Variants in PTPRN2 observed in about 807,000 individuals in gnomAD.
PTPRN2 encodes protein tyrosine phosphatase receptor type N2, also known as receptor-type tyrosine-protein phosphatase N2.
A neutral mutation model predicts 118.8 loss-of-function variants in PTPRN2; 74 were observed. That is an observed-to-expected ratio of 0.62 (90% CI 0.52 to 0.76). PTPRN2 has a LOEUF of 0.76. Ranked by LOEUF, PTPRN2 falls within the 30% of genes least tolerant of loss-of-function variation. PTPRN2 has a pLI of 0.00. For missense variants in PTPRN2, 1,481 were observed against 1,394.4 expected, an observed-to-expected ratio of 1.06 and a Z score of -0.99; for synonymous variants, 641 against 608.0, an observed-to-expected ratio of 1.05 and a Z score of -0.80.
In PTPRN2 at chr7:158,133,914, T is replaced by C. The variant is rs1818591458; in HGVS notation, c.1319A>G (p.Glu440Gly). Residue 440 changes from glutamate (E) to glycine (G), a missense_variant, in exon 9 of 23, where the codon GAG (glutamate) becomes GGG (glycine). This residue lies in a region of PTPRN2 where 1,115 missense variants were observed against 994.2 expected (regional missense o/e 1.12). Coordinates refer to ENST00000389418, the MANE Select transcript of PTPRN2 (RefSeq NM_002847.5). ...HPESSLSSEEETAGVENVKSQ... is the reference protein window; with the variant it reads ...HPESSLSSEEGTAGVENVKSQ... ...CTTGACGTTCTCCACTCCGGCAGTC[T>C]CCTCTTCTGAAGACAGGGAAGACTC... 2.5e-6 allele frequency: 4 copies of C among 1,613,844 alleles called. No individual in the cohort carries two copies. In the Admixed American group the frequency reaches 5.0e-5, roughly 20 times the overall value.
chr7:158,243,120 C>T (rs1299381626), intron 3 of PTPRN2, among the ~76,000 whole-genome samples: 1 of 152,086 alleles, frequency 6.6e-6, no homozygotes, highest in Admixed American at 6.6e-5. Flanking sequence ...GATTAGAAAA[C>T]AAAATAAGCT....
chr7:158,001,918 G>T (rs973753540), intron 11 of PTPRN2, among the ~76,000 whole-genome samples: 2 of 152,198 alleles, frequency 1.3e-5, no homozygotes, highest in Non-Finnish European at 2.9e-5. Context: ...GCTGCACTGG[G>T]ACTCCTGGAG....
intron 21 of PTPRN2, 130 bp from the exon 22 acceptor site, chr7:157,549,149 C>T: frequency 2.3e-6 from 2 of 880,294 alleles, no homozygotes; most frequent in Non-Finnish European, 3.7e-6. Flanking sequence ...CATCCCTCAG[C>T]CGGCTGGCAG....
chr7:158,305,301 G>A (rs972073782), intron 3 of PTPRN2, among the ~76,000 whole-genome samples: 5 of 151,922 alleles, frequency 3.3e-5, no homozygotes, highest in South Asian at 2.1e-4. Flanking sequence ...GGAATCCAAC[G>A]GATATTTTTA....
chr7:158,273,781 G>A (rs1161166959), intron 3 of PTPRN2, among the ~76,000 whole-genome samples: 8 of 102,630 alleles, frequency 7.8e-5, no homozygotes, highest in East Asian at 3.5e-4. Context: ...GGGAGGAGCC[G>A]CAGACACGGG....
chr7:158,113,196 G>A (rs1816437806), intron 9 of PTPRN2, among the ~76,000 whole-genome samples: 1 of 152,174 alleles, frequency 6.6e-6, no homozygotes. Context: ...ATGGGGAGCT[G>A]AGGCCGAGCT....
intron 2 of PTPRN2, among the ~76,000 whole-genome samples, chr7:158,356,358 C>T (rs1209337980): frequency 1.3e-5 from 2 of 152,322 alleles, no homozygotes; most frequent in East Asian, 3.9e-4. Context: ...TCAAAGGCAA[C>T]CTTAAGGCTT....
intron 12 of PTPRN2, among the ~76,000 whole-genome samples, chr7:157,851,167 C>T (rs1002163840): frequency 1.3e-5 from 2 of 152,212 alleles, no homozygotes; most frequent in African/African-American, 4.8e-5. Flanking sequence ...AAAAAGGGTT[C>T]TCTAACGAGG....
intron 5 of PTPRN2, among the ~76,000 whole-genome samples, chr7:158,176,415 G>T (rs1331148379): frequency 6.6e-6 from 1 of 152,200 alleles, no homozygotes. Flanking sequence ...GAGGAAAGAA[G>T]ATCCTGCAGT....
intron 3 of PTPRN2, among the ~76,000 whole-genome samples, chr7:158,255,365 G>T (rs912715481): frequency 6.6e-6 from 1 of 152,192 alleles, no homozygotes; most frequent in Admixed American, 6.5e-5. Flanking sequence ...TAGGCCCAGG[G>T]CAGGAGTCCA....
intron 1 of PTPRN2, among the ~76,000 whole-genome samples, chr7:158,494,657 T>C (rs1394320370): frequency 6.6e-6 from 1 of 151,936 alleles, no homozygotes; most frequent in Non-Finnish European, 1.5e-5. Flanking sequence ...ACCAAGGCCC[T>C]GGGATCCAAC....
At chr7:158,018,988 A>G (rs536173979) in intron 11 of PTPRN2, among the ~76,000 whole-genome samples, 7,745 of 150,044 alleles carry the variant, frequency 0.052, 287 homozygotes, top group Admixed American at 0.086. Flanking sequence ...AAAAAAAAAA[A>G]AAAGAGAATA....
intron 3 of PTPRN2, among the ~76,000 whole-genome samples, chr7:158,269,114 G>A (rs1250619624): frequency 1.3e-5 from 2 of 152,144 alleles, no homozygotes; most frequent in East Asian, 1.9e-4. Context: ...CTCAGGAGTC[G>A]CCACTGTTGC....
intron 12 of PTPRN2, among the ~76,000 whole-genome samples, chr7:157,700,678 A>T (rs1287072465): frequency 1.3e-5 from 2 of 152,024 alleles, no homozygotes; most frequent in Non-Finnish European, 2.9e-5. Flanking sequence ...CCCTCCCTGA[A>T]AATTCCACCA....
At chr7:158,342,219 C>A (rs1807011929) in intron 2 of PTPRN2, among the ~76,000 whole-genome samples, 1 of 134,122 alleles carries the variant, frequency 7.5e-6, no homozygotes, top group African/African-American at 2.9e-5. Flanking sequence ...ACACGTCACT[C>A]ACACTCACAC....
chr7:158,296,804 G>A (rs958703906), intron 3 of PTPRN2, among the ~76,000 whole-genome samples: 6 of 152,206 alleles, frequency 3.9e-5, no homozygotes, highest in African/African-American at 1.2e-4. Context: ...TCTTCTGGGT[G>A]GCAGTTGGCC....
At chr7:158,398,129 C>G (rs1812672574) in intron 2 of PTPRN2, among the ~76,000 whole-genome samples, 1 of 152,234 alleles carries the variant, frequency 6.6e-6, no homozygotes, top group African/African-American at 2.4e-5. Context: ...CCATCTGTAA[C>G]TGTTCAACCA....
At chr7:158,199,231 T>A (rs530705219) in intron 4 of PTPRN2, among the ~76,000 whole-genome samples, 1 of 152,302 alleles carries the variant, frequency 6.6e-6, no homozygotes, top group African/African-American at 2.4e-5. Context: ...TAGCGTGTTC[T>A]CAGGTTCCTG....
chr7:157,876,819 G>T (rs1037153624), intron 12 of PTPRN2, among the ~76,000 whole-genome samples: 1 of 152,214 alleles, frequency 6.6e-6, no homozygotes, highest in African/African-American at 2.4e-5. Context: ...GCAGCCACCT[G>T]GGGACAGTGC....
Sources: allele counts gnomAD v4.1 joint callset (sites outside exome capture counted in the v4.1 genomes callset), GRCh38; gene constraint gnomAD v4.1.1; regional missense constraint gnomAD v4.1.1; transcripts MANE v1.5; gene names NCBI Gene and HGNC (gene_info 2026-07-23, HGNC 2026-07-21).